CNTLN: variants seen among roughly 807,000 people sequenced by gnomAD.
The protein encoded by CNTLN is centlein.
CNTLN carries 212 observed loss-of-function variants against 180.0 expected under a neutral mutation model. The observed-to-expected ratio is 1.18, with a 90% CI of 1.05 to 1.32. The LOEUF (loss-of-function observed/expected upper bound fraction) is 1.32. Ranked by LOEUF, CNTLN falls within the 40% of genes most tolerant of loss-of-function variation. CNTLN has a pLI of 0.00. For missense variants in CNTLN, 2,095 were observed against 1,610.9 expected, an observed-to-expected ratio of 1.30 and a Z score of -5.14; for synonymous variants, 722 against 563.1, an observed-to-expected ratio of 1.28 and a Z score of -3.99.
intron 2 of CNTLN, among the ~76,000 whole-genome samples, chr9:17,170,024 A>T (rs1820326712): frequency 6.6e-6 from 1 of 152,158 alleles, no homozygotes; most frequent in South Asian, 2.1e-4. Context: ...CTTCGAATCC[A>T]TGAGCTATTT....
chr9:17,490,830 C>G (rs1279702266), intron 25 of CNTLN, among the ~76,000 whole-genome samples: 1 of 152,008 alleles, frequency 6.6e-6, no homozygotes, highest in South Asian at 2.1e-4. Context: ...TTGCTTATTT[C>G]ACGTGTGTTG....
chr9:17,263,237 C>G (rs1180821200), intron 5 of CNTLN, among the ~76,000 whole-genome samples: 1 of 139,606 alleles, frequency 7.2e-6, no homozygotes, highest in African/African-American at 2.8e-5. Flanking sequence ...GTTCCCCTTC[C>G]TGTGTCCATG....
chr9:17,426,532 A>G (rs888064723), intron 18 of CNTLN, among the ~76,000 whole-genome samples: 19 of 151,872 alleles, frequency 1.3e-4, no homozygotes, highest in African/African-American at 4.3e-4. Flanking sequence ...ATTTATATCC[A>G]TATGTACATG....
chr9:17,525,933 A>G, the CNTLN span, among the ~76,000 whole-genome samples: 1 of 152,032 alleles, frequency 6.6e-6, no homozygotes, highest in Admixed American at 6.6e-5. Flanking sequence ...TTATTTTTCT[A>G]TTTCTATTTT....
intron 10 of CNTLN, among the ~76,000 whole-genome samples, chr9:17,336,745 T>C (rs529031136): frequency 2.0e-3 from 299 of 152,308 alleles, no homozygotes; most frequent in African/African-American, 6.7e-3. Context: ...CTGGGATACA[T>C]GTGCAGAATG....
chr9:17,182,379 A>C (rs1158036716), intron 2 of CNTLN, among the ~76,000 whole-genome samples: 1 of 151,998 alleles, frequency 6.6e-6, no homozygotes. Flanking sequence ...CAGGGAACTT[A>C]TTGCTGTTTA....
At chr9:17,166,984 A>G (rs1284182871) in intron 2 of CNTLN, 1 of 402,692 alleles carries the variant, frequency 2.5e-6, no homozygotes, top group African/African-American at 2.2e-5. Flanking sequence ...TCAATGAAGC[A>G]GGACTACAGC....
chr9:17,340,816 G>C lies in CNTLN; in HGVS notation c.1645-11G>C. 1 of 1,593,704 alleles carries C rather than the reference G, an allele frequency of 6.3e-7. No individual in the cohort carries two copies. The highest frequency in any genetic ancestry group is 1.7e-4 in the Middle Eastern group (1 of 5,930). On this transcript the variant is annotated splice_polypyrimidine_tract_variant and intron_variant, in intron 10 of 25. Transcript: ENST00000380647. ...CAAACTTATATATACTTGCTTTTTT[G>C]TGTTCTACAGAGCCAAGAAAATGAT... is the stretch of plus-strand genomic sequence containing the variant.
chr9:17,146,575 CAGA>C (rs923868782), intron 2 of CNTLN, among the ~76,000 whole-genome samples: 12 of 152,098 alleles, frequency 7.9e-5, no homozygotes, highest in African/African-American at 2.9e-4. Context: ...TGTGAGGATA[CAGA>C]AGGTGTCATT....
At position 17,420,617 on chromosome 9, in the gene CNTLN, T is replaced by C. The variant is rs190577249; in HGVS notation, c.3114+4428T>C. ...TAATTTTGGGTTTGGTTTGCTCTAG[T>C]TTTTCTAGTTCTTCAAGATGCATCA... On this transcript the variant is annotated intron_variant, in intron 18 of 25. Transcript: ENST00000380647. Among the ~76,000 whole-genome samples the C allele has an allele frequency of 2.0e-3, 295 of 146,844 alleles. 1 individual carries two copies. Among genetic ancestry groups the C allele is most frequent in the African/African-American group, 7.7e-3 (281 of 36,476 alleles).
intron 5 of CNTLN, among the ~76,000 whole-genome samples, chr9:17,243,540 TC>T (rs147531939): frequency 0.018 from 2,710 of 152,298 alleles, 93 homozygotes; most frequent in African/African-American, 0.062. Context: ...TGGGAATTTT[TC>T]AGTTTTCTTC....
In CNTLN at chr9:17,332,654, C is replaced by G; in HGVS notation, c.1568C>G (p.Thr523Arg). The change falls in exon 10 of 26, where the codon ACA becomes AGA. Residue 523 changes from threonine to arginine, a missense_variant. By Grantham distance (71) the Thr-to-Arg change is moderately conservative. Transcript: ENST00000380647. ...SRSLSPKSSF[T>R]DSEELQKLRK... Reference sequence around the variant, plus strand: ...TCTTTGTCCCCAAAGAGCTCTTTCACAGACTCAGAAGAGCTACAGAAGCTG... The same window carrying G: ...TCTTTGTCCCCAAAGAGCTCTTTCAGAGACTCAGAAGAGCTACAGAAGCTG... 1 of 1,607,986 alleles carries G rather than the reference C, an allele frequency of 6.2e-7. No individual in the cohort carries two copies. Among genetic ancestry groups the G allele is most frequent in the Non-Finnish European group, 8.5e-7 (1 of 1,177,546 alleles).
chr9:17,518,036 C>CTTTTTTTTTTTTTTTTTTT, the CNTLN span, among the ~76,000 whole-genome samples: 10 of 69,240 alleles, frequency 1.4e-4, no homozygotes, highest in Non-Finnish European at 2.2e-4. Flanking sequence ...TTTTCTTTTC[C>CTTTTTTTTTTTTTTTTTTT]TTTTTTTTTT....
In CNTLN at chr9:17,433,849, G is replaced by A. The variant is rs1256339741; in HGVS notation, c.3114+17660G>A. On this transcript the variant is annotated intron_variant, in intron 18 of 25. Coordinates refer to ENST00000380647, the MANE Select transcript of CNTLN (RefSeq NM_017738.4). ...TCTCACCTTGGCCTCCCAAAGTTCC[G>A]GGATTATAGGCATGAACTACCATGC... 5.7e-4 allele frequency among the ~76,000 whole-genome samples: 87 copies of A among 152,080 alleles called. 1 individual carries two copies. Among genetic ancestry groups the A allele is most frequent in the East Asian group, 9.7e-4 (5 of 5,174 alleles).
chr9:17,300,752 C>T (rs933418411), intron 7 of CNTLN: 3 of 155,462 alleles, frequency 1.9e-5, no homozygotes, highest in African/African-American at 4.8e-5. Flanking sequence ...TCTACATGTT[C>T]CGACTCTACA....
chr9:17,419,590 G>A (rs1239940081), intron 18 of CNTLN, among the ~76,000 whole-genome samples: 1 of 152,006 alleles, frequency 6.6e-6, no homozygotes, highest in Non-Finnish European at 1.5e-5. Context: ...TCTCACACTA[G>A]GCATTCAAAC....
intron 23 of CNTLN, among the ~76,000 whole-genome samples, chr9:17,481,299 G>C (rs151017989): frequency 0.013 from 1,940 of 152,256 alleles, 14 homozygotes; most frequent in Non-Finnish European, 0.02. Flanking sequence ...ATTGATCATG[G>C]AGTGCAGCCT....
At chr9:17,402,272 T>A (rs1414125547) in intron 15 of CNTLN, among the ~76,000 whole-genome samples, 1 of 151,788 alleles carries the variant, frequency 6.6e-6, no homozygotes, top group East Asian at 1.9e-4. Context: ...ATCTCAAGGA[T>A]AGCATCTACA....
At chr9:17,346,744 C>G (rs1404761457) in intron 12 of CNTLN, among the ~76,000 whole-genome samples, 1 of 152,096 alleles carries the variant, frequency 6.6e-6, no homozygotes, top group Non-Finnish European at 1.5e-5. Flanking sequence ...TTTCTTGAAT[C>G]CCTAGGTTTG....
Sources: allele counts gnomAD v4.1 joint callset (sites outside exome capture counted in the v4.1 genomes callset), GRCh38; gene constraint gnomAD v4.1.1; transcripts MANE v1.5; gene names NCBI Gene and HGNC (gene_info 2026-07-23, HGNC 2026-07-21).